The following NAV2 variants were observed in gnomAD, a reference collection of about 807,000 sequenced individuals.
NAV2 encodes helicase, APC down-regulated 1.
In NAV2, 54 loss-of-function variants were observed where a neutral mutation model predicts 223.2. The ratio of observed to expected loss-of-function variants is 0.24; its 90% CI spans 0.19 to 0.30. NAV2 has a LOEUF of 0.30. Ranked by LOEUF, NAV2 falls within the 10% of genes least tolerant of loss-of-function variation. The pLI, the probability that NAV2 is intolerant of heterozygous loss-of-function variation, is 1.00. For synonymous variants in NAV2, 1,279 were observed against 1,239.3 expected, an observed-to-expected ratio of 1.03 and a Z score of -0.67; for missense variants, 2,806 against 3,147.5, an observed-to-expected ratio of 0.89 and a Z score of 2.60.
chr11:20,094,729 C>T (rs979835778), intron 29 of NAV2, among the ~76,000 whole-genome samples: 1 of 152,132 alleles, frequency 6.6e-6, no homozygotes, highest in Non-Finnish European at 1.5e-5. Context: ...TTGAGAAACC[C>T]GAGACCCCAA....
chr11:19,436,488 AT>A (rs1851220356), intron 1 of NAV2, among the ~76,000 whole-genome samples: 1 of 152,146 alleles, frequency 6.6e-6, no homozygotes, highest in Non-Finnish European at 1.5e-5. Flanking sequence ...TTTGTAATAC[AT>A]TTTGAAATCT....
chr11:19,600,662 A>G (rs2046328487), intron 1 of NAV2, among the ~76,000 whole-genome samples: 1 of 152,180 alleles, frequency 6.6e-6, no homozygotes, highest in South Asian at 2.1e-4. Flanking sequence ...TTGAGCCTCA[A>G]TTTCTATAGC....
chr11:19,516,964 C>A (rs903234518), intron 1 of NAV2, among the ~76,000 whole-genome samples: 3 of 151,786 alleles, frequency 2.0e-5, no homozygotes, highest in South Asian at 2.1e-4. Context: ...TATCCCAGCA[C>A]TTTGGGAGGC....
intron 6 of NAV2, among the ~76,000 whole-genome samples, chr11:19,915,845 G>A (rs1475472784): frequency 6.6e-6 from 1 of 152,198 alleles, no homozygotes; most frequent in Non-Finnish European, 1.5e-5. Context: ...GGCATACAGA[G>A]ACGTTAAAGT....
At chr11:20,031,090 C>G (rs2055682292) in intron 11 of NAV2, among the ~76,000 whole-genome samples, 1 of 152,170 alleles carries the variant, frequency 6.6e-6, no homozygotes, top group Non-Finnish European at 1.5e-5. Context: ...CCGACTGTTT[C>G]AGGACCAGGA....
At chr11:20,074,058 T>C (rs922416341) in intron 22 of NAV2, among the ~76,000 whole-genome samples, 5 of 152,218 alleles carry the variant, frequency 3.3e-5, no homozygotes, top group Admixed American at 3.3e-4. Context: ...CTGCTTTCTC[T>C]TGTGGGCATT....
chr11:19,667,783 G>A (rs1379119882), intron 1 of NAV2, among the ~76,000 whole-genome samples: 1 of 152,156 alleles, frequency 6.6e-6, no homozygotes, highest in African/African-American at 2.4e-5. Context: ...TGGTCCATGG[G>A]TTTTAGACCC....
chr11:19,871,130 A>T lies in NAV2; in HGVS notation c.511+2133A>T, dbSNP rs1408710980. Among the ~76,000 whole-genome samples, 3 of 152,148 alleles carry T rather than the reference A, an allele frequency of 2.0e-5. No homozygotes were observed. The East Asian group carries it at 5.8e-4, about 29-fold the overall frequency. On this transcript the variant is annotated intron_variant, in intron 4 of 37. Transcript: ENST00000349880. The stretch of plus-strand genomic sequence containing the variant: ...TGAAGGAGTTTTGTGGTATTTCAAT[A>T]ACTGCCTTAACTGTGCTATGTTGAA...
intron 16 of NAV2, 141 bp downstream of exon 16, chr11:20,050,042 G>A: frequency 1.4e-6 from 1 of 725,740 alleles, no homozygotes; most frequent in African/African-American, 1.7e-5. Flanking sequence ...GTGACACATG[G>A]ACATGCCAGT....
At position 19,712,859 on chromosome 11, in the gene NAV2, G is replaced by T. The variant is rs1299652920; in HGVS notation, c.-837G>T. ...CCTGTCCTCCCCTGCGCTGAGCCCC[G>T]CAGCCAGCGCAGCCTTCCCGGGAAG... On this transcript the variant is annotated 5_prime_UTR_variant, in exon 1 of 38. Coordinates refer to ENST00000349880, the MANE Select transcript of NAV2 (RefSeq NM_145117.5). 6.6e-6 allele frequency among the ~76,000 whole-genome samples: 1 copy of T among 151,116 alleles called. No individual in the cohort carries two copies. Among genetic ancestry groups the T allele is most frequent in the African/African-American group, 2.4e-5 (1 of 41,310 alleles).
chr11:19,445,018 A>G (rs769125742), intron 1 of NAV2, among the ~76,000 whole-genome samples: 17 of 152,224 alleles, frequency 1.1e-4, no homozygotes, highest in Non-Finnish European at 2.2e-4. Flanking sequence ...CTCTGCTATC[A>G]CTGCCATCAT....
At chr11:19,824,067 C>T (rs1190343877) in intron 1 of NAV2, among the ~76,000 whole-genome samples, 1 of 152,104 alleles carries the variant, frequency 6.6e-6, no homozygotes, top group Non-Finnish European at 1.5e-5. Context: ...TGACTTATTC[C>T]TCCAAAACTC....
intron 1 of NAV2, among the ~76,000 whole-genome samples, chr11:19,587,698 C>T (rs570119673): frequency 8.5e-5 from 13 of 152,254 alleles, no homozygotes; most frequent in African/African-American, 3.1e-4. Flanking sequence ...AGCAATGGAG[C>T]TACAAAGACA....
At chr11:20,098,387 T>G (rs2061421618) in intron 31 of NAV2, among the ~76,000 whole-genome samples, 1 of 152,248 alleles carries the variant, frequency 6.6e-6, no homozygotes, top group South Asian at 2.1e-4. Context: ...TCCTAACTCC[T>G]GCTGTTAAAA....
At chr11:19,829,211 T>A (rs1360241886) in intron 1 of NAV2, among the ~76,000 whole-genome samples, 1 of 152,226 alleles carries the variant, frequency 6.6e-6, no homozygotes, top group African/African-American at 2.4e-5. Flanking sequence ...GTAAACTTCA[T>A]GGTCCCTCCC....
At chr11:19,870,796 T>C (rs951533042) in intron 4 of NAV2, among the ~76,000 whole-genome samples, 2 of 152,152 alleles carry the variant, frequency 1.3e-5, no homozygotes, top group African/African-American at 4.8e-5. Flanking sequence ...AGCATGTAGC[T>C]AGAGAGTGGC....
intron 1 of NAV2, among the ~76,000 whole-genome samples, chr11:19,810,985 C>T (rs1263532466): frequency 6.6e-6 from 1 of 152,172 alleles, no homozygotes; most frequent in African/African-American, 2.4e-5. Context: ...CAGTTTTGCT[C>T]ATCATTCTGT....
intron 6 of NAV2, among the ~76,000 whole-genome samples, chr11:19,915,232 G>A (rs575715777): frequency 6.6e-6 from 1 of 152,300 alleles, no homozygotes; most frequent in South Asian, 2.1e-4. Flanking sequence ...CAGGATCTAG[G>A]TTTTCAGTGG....
chr11:19,842,264 A>T (rs1342395080), intron 2 of NAV2, among the ~76,000 whole-genome samples: 2 of 152,128 alleles, frequency 1.3e-5, no homozygotes, highest in Non-Finnish European at 2.9e-5. Flanking sequence ...CACTTCTCTA[A>T]GTAGCTGGAC....
Sources: allele counts gnomAD v4.1 joint callset (sites outside exome capture counted in the v4.1 genomes callset), GRCh38; gene constraint gnomAD v4.1.1; transcripts MANE v1.5; gene names NCBI Gene and HGNC (gene_info 2026-07-23, HGNC 2026-07-21).